GALNTL6: variants seen among roughly 807,000 people sequenced by gnomAD.
GALNTL6 encodes the protein polypeptide N-acetylgalactosaminyltransferase-like 6.
GALNTL6 carries 46 observed loss-of-function variants against 73.7 expected under a neutral mutation model. That is an observed-to-expected ratio of 0.62 (90% CI 0.49 to 0.80). The LOEUF (loss-of-function observed/expected upper bound fraction) is 0.80, where lower values mean the gene tolerates loss of function less well. Ranked by LOEUF, GALNTL6 falls within the 30% of genes least tolerant of loss-of-function variation. The pLI is 0.00. For synonymous variants in GALNTL6, 259 were observed against 263.7 expected (o/e 0.98, Z 0.17); for missense variants, 604 against 755.0 (o/e 0.80, Z 2.34).
chr4:172,406,151 A>G (rs1744230814), intron 5 of GALNTL6, among the ~76,000 whole-genome samples: 1 of 151,930 alleles, frequency 6.6e-6, no homozygotes, highest in Admixed American at 6.6e-5. Context: ...ATATATTAAT[A>G]ATACACATTT....
intron 5 of GALNTL6, among the ~76,000 whole-genome samples, chr4:172,740,384 C>T (rs1000342232): frequency 2.0e-5 from 3 of 152,166 alleles, no homozygotes; most frequent in Non-Finnish European, 4.4e-5. Flanking sequence ...GCATGGCTGC[C>T]TTCACTTTGT....
At chr4:171,944,171 G>T (rs1738635588) in intron 2 of GALNTL6, among the ~76,000 whole-genome samples, 2 of 151,878 alleles carry the variant, frequency 1.3e-5, no homozygotes, top group South Asian at 4.1e-4. Context: ...TTTCTTAAAA[G>T]ATAGATAATT....
intron 5 of GALNTL6, among the ~76,000 whole-genome samples, chr4:172,623,145 T>C (rs76411476): frequency 0.018 from 2,730 of 152,112 alleles, 80 homozygotes; most frequent in African/African-American, 0.061. Context: ...TCCTTTATTG[T>C]CAAAAATCAA....
intron 5 of GALNTL6, among the ~76,000 whole-genome samples, chr4:172,692,915 C>A (rs897568671): frequency 6.6e-6 from 1 of 152,000 alleles, no homozygotes; most frequent in East Asian, 1.9e-4. Context: ...TGGTGATGAC[C>A]CAGAATGACT....
chr4:172,975,489 A>G (rs2126417969), intron 10 of GALNTL6, among the ~76,000 whole-genome samples: 1 of 152,280 alleles, frequency 6.6e-6, no homozygotes, highest in African/African-American at 2.4e-5. Flanking sequence ...GGGCCCAGAA[A>G]TGGCACTAAA....
chr4:172,625,090 T>C (rs1443995451), intron 5 of GALNTL6, among the ~76,000 whole-genome samples: 1 of 151,996 alleles, frequency 6.6e-6, no homozygotes, highest in Non-Finnish European at 1.5e-5. Flanking sequence ...TGTGCAGTGC[T>C]CTATGAAATA....
At chr4:171,877,217 T>C (rs75487760) in intron 2 of GALNTL6, among the ~76,000 whole-genome samples, 1 of 152,168 alleles carries the variant, frequency 6.6e-6, no homozygotes, top group South Asian at 2.1e-4. Flanking sequence ...CACAAAATGT[T>C]CTGGAAACTA....
chr4:172,696,022 G>C (rs1733668043), intron 5 of GALNTL6, among the ~76,000 whole-genome samples: 1 of 151,688 alleles, frequency 6.6e-6, no homozygotes, highest in Non-Finnish European at 1.5e-5. Flanking sequence ...TCCATTTTTA[G>C]ATATTAACTA....
intron 2 of GALNTL6, among the ~76,000 whole-genome samples, chr4:171,886,408 A>C (rs1161531219): frequency 6.6e-6 from 1 of 152,224 alleles, no homozygotes; most frequent in Non-Finnish European, 1.5e-5. Context: ...TACAGACAAA[A>C]GACTGAGAAG....
chr4:173,028,662 C>T (rs1354014459), intron 12 of GALNTL6, among the ~76,000 whole-genome samples: 1 of 152,064 alleles, frequency 6.6e-6, no homozygotes, highest in Non-Finnish European at 1.5e-5. Flanking sequence ...CTTAAAGAAC[C>T]ACTAGTTCAA....
At chr4:171,919,204 T>G (rs992954403) in intron 2 of GALNTL6, among the ~76,000 whole-genome samples, 1 of 152,108 alleles carries the variant, frequency 6.6e-6, no homozygotes, top group Non-Finnish European at 1.5e-5. Context: ...CCCTGTGTGG[T>G]TTCATTCTGT....
chr4:172,149,673 G>C (rs558685688), intron 2 of GALNTL6, among the ~76,000 whole-genome samples: 1 of 152,200 alleles, frequency 6.6e-6, no homozygotes, highest in East Asian at 1.9e-4. Context: ...TTTACTGCTG[G>C]AGTTTTATTC....
chr4:172,053,361 A>G (rs961574190), intron 2 of GALNTL6, among the ~76,000 whole-genome samples: 1 of 152,106 alleles, frequency 6.6e-6, no homozygotes, highest in African/African-American at 2.4e-5. Context: ...CTTAATAAAT[A>G]CTCTGCACAC....
chr4:172,009,638 G>A (rs917999164), intron 2 of GALNTL6, among the ~76,000 whole-genome samples: 2 of 152,088 alleles, frequency 1.3e-5, no homozygotes, highest in African/African-American at 4.8e-5. Flanking sequence ...CTGAACAAAT[G>A]TGGTTTTGTG....
At chr4:172,708,081 C>T (rs573614587) in intron 5 of GALNTL6, among the ~76,000 whole-genome samples, 45 of 152,228 alleles carry the variant, frequency 3.0e-4, no homozygotes, top group African/African-American at 6.7e-4. Context: ...TTTTTCTCCT[C>T]GCTTTGTTGC....
intron 2 of GALNTL6, among the ~76,000 whole-genome samples, chr4:171,938,452 G>A (rs1461839881): frequency 6.6e-6 from 1 of 152,002 alleles, no homozygotes; most frequent in Non-Finnish European, 1.5e-5. Context: ...ATATAATATT[G>A]TGTGCATGGA....
At chr4:172,689,191 C>A (rs1422910906) in intron 5 of GALNTL6, among the ~76,000 whole-genome samples, 1 of 152,100 alleles carries the variant, frequency 6.6e-6, no homozygotes, top group Non-Finnish European at 1.5e-5. Context: ...GAGATTATAG[C>A]TGAAGTAGTT....
chr4:172,165,843 A>C (rs1056196118), intron 2 of GALNTL6, among the ~76,000 whole-genome samples: 1 of 152,216 alleles, frequency 6.6e-6, no homozygotes, highest in Non-Finnish European at 1.5e-5. Context: ...TAATGAGCAC[A>C]TGCTGCTTCA....
At chr4:172,724,684 G>T (rs932950240) in intron 5 of GALNTL6, among the ~76,000 whole-genome samples, 10 of 152,122 alleles carry the variant, frequency 6.6e-5, no homozygotes, top group African/African-American at 2.2e-4. Context: ...GAATTAAGAA[G>T]GGAAGTTATT....
Sources: gnomAD v4.1 joint callset for allele counts (sites outside exome capture counted in the v4.1 genomes callset) on GRCh38, gnomAD v4.1.1 for gene constraint, MANE v1.5 for transcripts, NCBI Gene and HGNC (gene_info 2026-07-23, HGNC 2026-07-21) for gene names.